PRKCA: variants seen among roughly 807,000 people sequenced by gnomAD.
PRKCA encodes protein kinase C alpha, also known as protein kinase C alpha type.
PRKCA carries 27 observed loss-of-function variants against 87.0 expected under a neutral mutation model. The observed-to-expected ratio is 0.31, with a 90% CI of 0.23 to 0.43. The LOEUF (loss-of-function observed/expected upper bound fraction) is 0.43, where lower values mean the gene tolerates loss of function less well. Among genes scored for constraint, PRKCA ranks in the 20% least tolerant of loss-of-function variants. The pLI, the probability that PRKCA is intolerant of heterozygous loss-of-function variation, is 1.00. For synonymous variants in PRKCA, 329 were observed against 311.1 expected (o/e 1.06, Z -0.61); for missense variants, 518 against 852.3 (o/e 0.61, Z 4.88).
Position 66,664,969 on chromosome 17 carries a change from G to A in PRKCA, c.529+19458G>A, listed in dbSNP as rs540330698. ...GCAGTTTTATATGCCAACCCTGAAA[G>A]CAGAAAATTGTATCCCCACTGAAGT... On this transcript the variant is annotated intron_variant, in intron 5 of 16. Coordinates refer to ENST00000413366, the MANE Select transcript of PRKCA (RefSeq NM_002737.3). Among the ~76,000 whole-genome samples the A allele has an allele frequency of 7.9e-5, 12 of 152,176 alleles. No individual in the cohort carries two copies. In the South Asian group the frequency reaches 2.3e-3, roughly 29 times the overall value.
intron 1 of PRKCA, among the ~76,000 whole-genome samples, chr17:66,304,794 C>G (rs1226836045): frequency 6.6e-6 from 1 of 152,078 alleles, no homozygotes; most frequent in African/African-American, 2.4e-5. Context: ...CGACTGTGCT[C>G]AAAGGAGTAG....
At chr17:66,705,076 C>A (rs780509844) in intron 8 of PRKCA, among the ~76,000 whole-genome samples, 2 of 152,016 alleles carry the variant, frequency 1.3e-5, no homozygotes, top group East Asian at 1.9e-4. Flanking sequence ...CTTTTAGACA[C>A]AAAACAAAAA....
At chr17:66,794,347 A>G (rs1053891209) in intron 16 of PRKCA, among the ~76,000 whole-genome samples, 5 of 152,206 alleles carry the variant, frequency 3.3e-5, no homozygotes, top group African/African-American at 4.8e-5. Context: ...AGAACACACA[A>G]TCGGGGTTCC....
At chr17:66,654,374 A>G (rs1043729601) in intron 5 of PRKCA, among the ~76,000 whole-genome samples, 5 of 152,032 alleles carry the variant, frequency 3.3e-5, no homozygotes, top group African/African-American at 9.7e-5. Flanking sequence ...ATGCTTTCCT[A>G]TGTATTTCAT....
chr17:66,576,546 T>C (rs1040057549), intron 3 of PRKCA, among the ~76,000 whole-genome samples: 2 of 152,244 alleles, frequency 1.3e-5, no homozygotes, highest in Non-Finnish European at 2.9e-5. Context: ...CTATTGGTTT[T>C]TGCAAGGTGC....
intron 3 of PRKCA, among the ~76,000 whole-genome samples, chr17:66,580,721 C>T (rs1421049680): frequency 6.6e-6 from 1 of 152,222 alleles, no homozygotes; most frequent in Non-Finnish European, 1.5e-5. Context: ...ATGATCAAAA[C>T]ATGCCCGGAT....
intron 3 of PRKCA, among the ~76,000 whole-genome samples, chr17:66,556,641 G>A (rs1253028365): frequency 1.3e-5 from 2 of 152,060 alleles, no homozygotes; most frequent in East Asian, 1.9e-4. Flanking sequence ...AAATCATGGG[G>A]GGCAGTGTTT....
chr17:66,485,488 C>T (rs1333385875), intron 2 of PRKCA, among the ~76,000 whole-genome samples: 1 of 152,196 alleles, frequency 6.6e-6, no homozygotes, highest in African/African-American at 2.4e-5. Flanking sequence ...GCTCATTCTT[C>T]ATTTGCATTA....
rs867555469 is a variant in PRKCA at position 66,765,420 on chromosome 17, A to C, written c.1525-8567A>C. On this transcript the variant is annotated intron_variant, in intron 13 of 16. Transcript: ENST00000413366. ...TGGTCGACAGAGCAAGACTTTGTCT[A>C]TATATATATATATATATATATATAT... is the stretch of plus-strand genomic sequence containing the variant. 3.4e-3 allele frequency among the ~76,000 whole-genome samples: 366 copies of C among 107,708 alleles called. 1 individual carries two copies. The highest frequency in any genetic ancestry group is 0.014 in the African/African-American group (355 of 25,258). The allele number at this position is 107,708 out of a possible 152,430, so 70.7% of individuals were successfully genotyped here. A position where few individuals can be genotyped will look rare whatever the true frequency, so the allele number is the denominator to read the frequency against.
chr17:66,564,988 A>G (rs1479064331), intron 3 of PRKCA, among the ~76,000 whole-genome samples: 1 of 152,026 alleles, frequency 6.6e-6, no homozygotes, highest in Non-Finnish European at 1.5e-5. Context: ...TCAAAACAAC[A>G]ATCACCACCA....
intron 3 of PRKCA, among the ~76,000 whole-genome samples, chr17:66,613,195 G>A (rs79647970): frequency 0.033 from 5,050 of 152,174 alleles, 277 homozygotes; most frequent in African/African-American, 0.11. Context: ...AGCCTTGACC[G>A]CTAATTAGAG....
At chr17:66,709,301 C>CTT (rs552633887) in intron 8 of PRKCA, among the ~76,000 whole-genome samples, 1,595 of 84,884 alleles carry the variant, frequency 0.019, 243 homozygotes, top group African/African-American at 0.07. Flanking sequence ...GAGATGATTT[C>CTT]TTTTTTTTTT....
At chr17:66,710,967 C>T (rs868763499) in intron 8 of PRKCA, among the ~76,000 whole-genome samples, 4 of 151,972 alleles carry the variant, frequency 2.6e-5, no homozygotes, top group Admixed American at 6.6e-5. Flanking sequence ...CACTTGAACC[C>T]GGGAGGCGGA....
chr17:66,675,688 C>T (rs1056051573), intron 5 of PRKCA, among the ~76,000 whole-genome samples: 3 of 152,106 alleles, frequency 2.0e-5, no homozygotes, highest in Non-Finnish European at 2.9e-5. Context: ...TGCCTGTTAC[C>T]CAAAGTTAAA....
chr17:66,638,380 T>C (rs1027883191), intron 3 of PRKCA: 1 of 151,884 alleles, frequency 6.6e-6, no homozygotes, highest in Non-Finnish European at 1.5e-5. Context: ...TAAAAAAAAA[T>C]CTGAGGTCTG....
intron 2 of PRKCA, among the ~76,000 whole-genome samples, chr17:66,396,883 A>G (rs536012019): frequency 6.6e-6 from 1 of 150,504 alleles, no homozygotes; most frequent in African/African-American, 2.4e-5. Context: ...ACCTTTCTAC[A>G]TACATATTTA....
intron 2 of PRKCA, among the ~76,000 whole-genome samples, chr17:66,424,354 A>C (rs1253430034): frequency 6.6e-6 from 1 of 152,048 alleles, no homozygotes. Context: ...CTGGTGGATC[A>C]CTTGAGGCCA....
chr17:66,579,992 G>T (rs1472789370), intron 3 of PRKCA, among the ~76,000 whole-genome samples: 3 of 152,156 alleles, frequency 2.0e-5, no homozygotes, highest in East Asian at 3.9e-4. Context: ...CTCTGCGCCG[G>T]AGATCCTCAA....
intron 3 of PRKCA, among the ~76,000 whole-genome samples, chr17:66,614,591 A>G (rs778903628): frequency 2.6e-5 from 4 of 152,178 alleles, no homozygotes; most frequent in Non-Finnish European, 4.4e-5. Context: ...TAAATTTGGG[A>G]GAGATTCTGA....
Sources: allele counts gnomAD v4.1 joint callset (sites outside exome capture counted in the v4.1 genomes callset), GRCh38; gene constraint gnomAD v4.1.1; transcripts MANE v1.5; gene names NCBI Gene and HGNC (gene_info 2026-07-23, HGNC 2026-07-21).